Variants in CFAP299 observed in about 807,000 individuals in gnomAD.
The protein encoded by CFAP299 is cilia- and flagella-associated protein 299.
A neutral mutation model predicts 27.0 loss-of-function variants in CFAP299; 21 were observed. That is an observed-to-expected ratio of 0.78 (90% CI 0.55 to 1.12). CFAP299 has a LOEUF of 1.12. CFAP299 is among the 50% of genes most tolerant of loss of function. The pLI, the probability that CFAP299 is intolerant of heterozygous loss-of-function variation, is 0.00. For missense variants in CFAP299, 310 were observed against 276.6 expected (o/e 1.12, Z -0.86); for synonymous variants, 104 against 98.1 (o/e 1.06, Z -0.36).
intron 4 of CFAP299, chr4:80,872,722 A>C (rs1250711752): frequency 5.9e-6 from 1 of 168,840 alleles, no homozygotes; most frequent in East Asian, 1.9e-4. Context: ...TTGATTATTT[A>C]TTAGATTGGG....
At chr4:80,704,387 A>G (rs989116671) in intron 3 of CFAP299, among the ~76,000 whole-genome samples, 2 of 151,662 alleles carry the variant, frequency 1.3e-5, no homozygotes, top group African/African-American at 4.8e-5. Flanking sequence ...AGAGTAGAAA[A>G]GGCCTGGAAG....
intron 5 of CFAP299, among the ~76,000 whole-genome samples, chr4:80,947,961 C>T (rs1479270461): frequency 6.6e-6 from 1 of 151,998 alleles, no homozygotes; most frequent in African/African-American, 2.4e-5. Flanking sequence ...TTTTTATAGT[C>T]AATATTTTTC....
At chr4:80,693,923 G>A (rs1720922436) in intron 3 of CFAP299, among the ~76,000 whole-genome samples, 1 of 151,432 alleles carries the variant, frequency 6.6e-6, no homozygotes. Context: ...ATTAAACTCA[G>A]TAGATTATTG....
In CFAP299 at chr4:80,905,665, G is replaced by A. The variant is rs559905402; in HGVS notation, c.476+35530G>A. ...AGGAAACTTACAAACTTGGTGGAAG[G>A]GGAAGCAAACATGTCCTTCTTCACA... is the stretch of plus-strand genomic sequence containing the variant. On this transcript the variant is annotated intron_variant, in intron 4 of 5. Transcript: ENST00000358105. Among the ~76,000 whole-genome samples the A allele has an allele frequency of 2.0e-5, 3 of 152,188 alleles. No homozygotes were observed. The East Asian group carries it at 5.8e-4, about 29-fold the overall frequency.
At chr4:80,948,787 T>C (rs1404049477) in intron 5 of CFAP299, among the ~76,000 whole-genome samples, 2 of 152,056 alleles carry the variant, frequency 1.3e-5, no homozygotes, top group Non-Finnish European at 1.5e-5. Flanking sequence ...TAAATATTCA[T>C]TGAATTGATG....
intron 2 of CFAP299, among the ~76,000 whole-genome samples, chr4:80,405,816 T>C (rs1726387270): frequency 6.6e-6 from 1 of 152,016 alleles, no homozygotes; most frequent in African/African-American, 2.4e-5. Context: ...TGAAATAGAT[T>C]GTATAATTTT....
At chr4:80,703,062 G>A (rs773153383) in intron 3 of CFAP299, among the ~76,000 whole-genome samples, 8 of 151,634 alleles carry the variant, frequency 5.3e-5, no homozygotes, top group African/African-American at 9.7e-5. Flanking sequence ...GGGGAATCTT[G>A]ACTTGCTCCT....
upstream of CFAP299, chr4:80,335,630 C>T: frequency 1.5e-6 from 1 of 671,636 alleles, no homozygotes; most frequent in South Asian, 1.5e-5. Flanking sequence ...ACAGAAACTG[C>T]AACAAACCGC....
intron 3 of CFAP299, among the ~76,000 whole-genome samples, chr4:80,595,399 C>T (rs894874360): frequency 2.0e-5 from 3 of 152,194 alleles, no homozygotes; most frequent in African/African-American, 7.2e-5. Context: ...GTATGTTTCA[C>T]CTGCAATTAC....
chr4:80,586,670 G>C (rs1012615784), intron 3 of CFAP299, among the ~76,000 whole-genome samples: 2 of 152,146 alleles, frequency 1.3e-5, no homozygotes, highest in Non-Finnish European at 2.9e-5. Flanking sequence ...TGAACAAGCA[G>C]CTGGGAGAGG....
At chr4:80,740,986 G>A (rs1724229671) in intron 3 of CFAP299, among the ~76,000 whole-genome samples, 1 of 152,154 alleles carries the variant, frequency 6.6e-6, no homozygotes, top group African/African-American at 2.4e-5. Flanking sequence ...CTCTCCAAGA[G>A]CCTAGACCTG....
chr4:80,484,287 T>C (rs917232033), intron 2 of CFAP299, among the ~76,000 whole-genome samples: 1 of 152,198 alleles, frequency 6.6e-6, no homozygotes, highest in African/African-American at 2.4e-5. Context: ...ATTTCATGAA[T>C]AAAGAACTTC....
At chr4:80,691,882 C>A (rs1295167278) in intron 3 of CFAP299, among the ~76,000 whole-genome samples, 1 of 152,178 alleles carries the variant, frequency 6.6e-6, no homozygotes, top group African/African-American at 2.4e-5. Context: ...AAATCACAAT[C>A]ATTCTTATAC....
chr4:80,889,943 C>A (rs1469115200), intron 4 of CFAP299, among the ~76,000 whole-genome samples: 1 of 151,936 alleles, frequency 6.6e-6, no homozygotes, highest in East Asian at 1.9e-4. Context: ...GATAAGAATC[C>A]TCAAAGAACT....
chr4:80,447,570 C>A (rs1012575905), intron 2 of CFAP299, among the ~76,000 whole-genome samples: 2 of 152,064 alleles, frequency 1.3e-5, no homozygotes, highest in Non-Finnish European at 2.9e-5. Context: ...GGTTCCCCTG[C>A]CTCAGTCCCA....
chr4:80,783,450 G>A lies in CFAP299; in HGVS notation c.334-86543G>A, dbSNP rs76413496. Reference sequence around the variant, plus strand: ...AGAATATTTCAGCAATTCGTCCAAGGTAGCATAGCTATTAAGTGGTGCCAT... The same window carrying A: ...AGAATATTTCAGCAATTCGTCCAAGATAGCATAGCTATTAAGTGGTGCCAT... On this transcript the variant is annotated intron_variant, in intron 3 of 5. Transcript: ENST00000358105. 7.2e-3 allele frequency among the ~76,000 whole-genome samples: 1,093 copies of A among 152,188 alleles called. 7 individuals are homozygous for A. Among genetic ancestry groups the A allele is most frequent in the Non-Finnish European group, 0.01 (706 of 67,996 alleles).
chr4:80,859,698 G>T (rs546272530), intron 3 of CFAP299, among the ~76,000 whole-genome samples: 1,639 of 152,054 alleles, frequency 0.011, 11 homozygotes, highest in Non-Finnish European at 0.016. Flanking sequence ...TGAAATTCTC[G>T]GTTGAAAATT....
chr4:80,876,681 GA>G lies in CFAP299; in HGVS notation c.476+6549del, dbSNP rs1733395393. Among the ~76,000 whole-genome samples the G allele has an allele frequency of 2.6e-5, 4 of 152,130 alleles. No individual in the cohort carries two copies. The South Asian group carries it at 8.3e-4, about 32-fold the overall frequency. ...ACAGACACATACATATGTACAACCA[GA>G]AATCCAGGACCAAACAGAGATCACT... On this transcript the variant is annotated intron_variant, in intron 4 of 5. Coordinates refer to ENST00000358105, the MANE Select transcript of CFAP299 (RefSeq NM_152770.3).
intron 3 of CFAP299, among the ~76,000 whole-genome samples, chr4:80,838,897 C>T (rs1477020698): frequency 6.6e-6 from 1 of 152,092 alleles, no homozygotes; most frequent in Non-Finnish European, 1.5e-5. Context: ...TATGTGGATA[C>T]TTCTATCTGT....
Sources: gnomAD v4.1 joint callset for allele counts (sites outside exome capture counted in the v4.1 genomes callset) on GRCh38, gnomAD v4.1.1 for gene constraint, MANE v1.5 for transcripts, NCBI Gene and HGNC (gene_info 2026-07-23, HGNC 2026-07-21) for gene names.